The following PRIM2 variants were observed in gnomAD, a reference collection of about 807,000 sequenced individuals.
PRIM2 encodes the protein DNA primase subunit 2.
PRIM2 carries 39 observed loss-of-function variants against 67.3 expected under a neutral mutation model. That is an observed-to-expected ratio of 0.58 (90% CI 0.45 to 0.76). The LOEUF is 0.76. PRIM2 is among the 30% of genes least tolerant of loss of function. PRIM2 has a pLI of 0.00. For synonymous variants in PRIM2, 143 were observed against 198.7 expected, an observed-to-expected ratio of 0.72 and a Z score of 2.36; for missense variants, 398 against 598.7, an observed-to-expected ratio of 0.66 and a Z score of 3.50.
intron 2 of PRIM2, among the ~76,000 whole-genome samples, chr6:57,319,674 A>G (rs950745049): frequency 1.3e-5 from 2 of 152,108 alleles, no homozygotes; most frequent in African/African-American, 4.8e-5. Context: ...GTTAGCATTG[A>G]TAGGATTTGG....
chr6:57,548,881 G>A (rs1164512351), intron 10 of PRIM2, among the ~76,000 whole-genome samples: 8 of 151,616 alleles, frequency 5.3e-5, no homozygotes, highest in Non-Finnish European at 1.2e-4. Context: ...AAGTTGAAGA[G>A]TCTAGAATAA....
At chr6:57,269,808 T>C in the PRIM2 span, among the ~76,000 whole-genome samples, 1 of 152,168 alleles carries the variant, frequency 6.6e-6, no homozygotes, top group African/African-American at 2.4e-5. Flanking sequence ...AATTTTTGTA[T>C]AAGATGTAAG....
At chr6:57,610,256 TG>T (rs1476614735) in intron 12 of PRIM2, among the ~76,000 whole-genome samples, 12 of 152,098 alleles carry the variant, frequency 7.9e-5, no homozygotes, top group Admixed American at 7.9e-4. Flanking sequence ...TTTGTAGAGA[TG>T]GGGTTTCACC....
At chr6:57,259,858 C>CTATG in the PRIM2 span, among the ~76,000 whole-genome samples, 1 of 152,160 alleles carries the variant, frequency 6.6e-6, no homozygotes. Flanking sequence ...AAGGGTGCCC[C>CTATG]TATGGTCAAC....
chr6:57,517,470 G>A (rs1554348392), intron 8 of PRIM2, among the ~76,000 whole-genome samples: 6 of 151,966 alleles, frequency 3.9e-5, no homozygotes, highest in Non-Finnish European at 8.8e-5. Context: ...AGCCACTTAC[G>A]GCTATTGAGC....
At chr6:57,529,233 C>G (rs1434793749) in intron 8 of PRIM2, among the ~76,000 whole-genome samples, 1 of 151,986 alleles carries the variant, frequency 6.6e-6, no homozygotes, top group African/African-American at 2.4e-5. Context: ...TGGCGTGAAC[C>G]CGGGAGGCAG....
chr6:57,262,100 G>A, the PRIM2 span, among the ~76,000 whole-genome samples: 98,047 of 152,052 alleles, frequency 0.64, 32,437 homozygotes, highest in African/African-American at 0.8. Flanking sequence ...GCCCAGATCA[G>A]CAGTGTGGTA....
In PRIM2 at chr6:57,348,617, T is replaced by C. The variant is rs1220871908; in HGVS notation, c.459+22572T>C. On this transcript the variant is annotated intron_variant, in intron 5 of 13. Transcript: ENST00000615550. ...GGATATTTTGGCCATCTTTATGGTA[T>C]TTTTGGTGTTTGTAAAAATGATTGG... is the stretch of plus-strand genomic sequence containing the variant. Among the ~76,000 whole-genome samples, 6 of 152,276 alleles carry C rather than the reference T, an allele frequency of 3.9e-5. No homozygotes were observed. In the South Asian group the frequency reaches 1.2e-3, roughly 32 times the overall value.
chr6:57,489,609 C>T (rs1468034637), intron 7 of PRIM2, among the ~76,000 whole-genome samples: 2 of 152,302 alleles, frequency 1.3e-5, no homozygotes, highest in African/African-American at 4.8e-5. Flanking sequence ...TGAACTAATC[C>T]TTACAGGTAA....
chr6:57,576,158 G>A (rs1375569514), intron 10 of PRIM2, among the ~76,000 whole-genome samples: 2 of 152,110 alleles, frequency 1.3e-5, no homozygotes, highest in Non-Finnish European at 1.5e-5. Flanking sequence ...TGTTGGGAAG[G>A]CATGTTCATG....
At chr6:57,324,580 T>C (rs1448696258) in intron 4 of PRIM2, among the ~76,000 whole-genome samples, 1 of 152,156 alleles carries the variant, frequency 6.6e-6, no homozygotes, top group African/African-American at 2.4e-5. Flanking sequence ...ACTTTTGATA[T>C]TTTTCCTGCA....
At chr6:57,398,115 A>G (rs1770585248) in intron 7 of PRIM2, among the ~76,000 whole-genome samples, 9 of 151,274 alleles carry the variant, frequency 5.9e-5, no homozygotes, top group Admixed American at 5.9e-4. Flanking sequence ...GCACACCACC[A>G]CACCCAGGTA....
intron 7 of PRIM2, among the ~76,000 whole-genome samples, chr6:57,498,125 T>C (rs1554346532): frequency 1.3e-5 from 2 of 152,202 alleles, no homozygotes; most frequent in Non-Finnish European, 2.9e-5. Flanking sequence ...CTGTTCTCTT[T>C]AAAGCTATAT....
chr6:57,395,018 TG>T (rs2127350235), intron 7 of PRIM2, among the ~76,000 whole-genome samples: 1 of 152,352 alleles, frequency 6.6e-6, no homozygotes, highest in African/African-American at 2.4e-5. Flanking sequence ...GAAACCCACT[TG>T]ATCATGGTGA....
At chr6:57,645,405 A>ATTTTTTTTTTTTTTTTTTTTT (rs1458949369) in intron 13 of PRIM2, among the ~76,000 whole-genome samples, 1 of 148,668 alleles carries the variant, frequency 6.7e-6, no homozygotes, top group African/African-American at 2.5e-5. Context: ...TAGTTTTCTA[A>ATTTTTTTTTTTTTTTTTTTTT]TTTTTTGTTT....
intron 8 of PRIM2, among the ~76,000 whole-genome samples, chr6:57,510,270 G>A (rs1774337538): frequency 6.6e-6 from 1 of 152,128 alleles, no homozygotes; most frequent in African/African-American, 2.4e-5. Context: ...ATGAATACAA[G>A]TTATATTAGT....
At chr6:57,454,418 G>T (rs1718223083) in intron 7 of PRIM2, among the ~76,000 whole-genome samples, 3 of 152,052 alleles carry the variant, frequency 2.0e-5, no homozygotes, top group African/African-American at 7.2e-5. Flanking sequence ...ATCTGGTCCT[G>T]GACTTTTTTT....
At chr6:57,243,860 T>C in the PRIM2 span, among the ~76,000 whole-genome samples, 1 of 152,240 alleles carries the variant, frequency 6.6e-6, no homozygotes, top group East Asian at 1.9e-4. Context: ...AACCTGAAAG[T>C]AGCTTCTGAC....
At chr6:57,475,488 A>G (rs1773455087) in intron 7 of PRIM2, among the ~76,000 whole-genome samples, 1 of 152,238 alleles carries the variant, frequency 6.6e-6, no homozygotes, top group South Asian at 2.1e-4. Context: ...TCTTTCAGGT[A>G]GCACGTTTTT....
Sources: gnomAD v4.1 joint callset for allele counts (sites outside exome capture counted in the v4.1 genomes callset) on GRCh38, gnomAD v4.1.1 for gene constraint, MANE v1.5 for transcripts, NCBI Gene and HGNC (gene_info 2026-07-23, HGNC 2026-07-21) for gene names.